Variants in KLRD1 observed in about 807,000 individuals in gnomAD.
KLRD1 encodes the protein natural killer cells antigen CD94.
A neutral mutation model predicts 22.6 loss-of-function variants in KLRD1; 21 were observed. The observed-to-expected ratio is 0.93, with a 90% CI of 0.66 to 1.34. The LOEUF (loss-of-function observed/expected upper bound fraction) is 1.34. Ranked by LOEUF, KLRD1 falls within the 40% of genes most tolerant of loss-of-function variation. The probability of loss-of-function intolerance (pLI) is 0.00; values close to 1 mark genes in which losing one functional copy is unlikely to be tolerated. For missense variants in KLRD1, 183 were observed against 208.6 expected, an observed-to-expected ratio of 0.88 and a Z score of 0.76; for synonymous variants, 59 against 71.1, an observed-to-expected ratio of 0.83 and a Z score of 0.85.
At chr12:10,257,482 CTTTTT>C (rs56871156) in intron 1 of KLRD1, among the ~76,000 whole-genome samples, 8,205 of 97,728 alleles carry the variant, frequency 0.084, 212 homozygotes, top group East Asian at 0.15. Context: ...GTAGCTGATT[CTTTTT>C]TTTTTTTTTT....
At chr12:10,294,855 A>G (rs1949808098) in intron 1 of KLRD1, among the ~76,000 whole-genome samples, 1 of 152,224 alleles carries the variant, frequency 6.6e-6, no homozygotes, top group South Asian at 2.1e-4. Context: ...GAAGCTTGAC[A>G]CAAAACAATT....
At chr12:10,266,642 T>G (rs1361691281) in intron 1 of KLRD1, among the ~76,000 whole-genome samples, 1 of 151,920 alleles carries the variant, frequency 6.6e-6, no homozygotes, top group Admixed American at 6.6e-5. Context: ...TTATTAGATA[T>G]CTGTCATTTT....
At chr12:10,270,269 T>G (rs866578107) in intron 1 of KLRD1, among the ~76,000 whole-genome samples, 3 of 152,298 alleles carry the variant, frequency 2.0e-5, no homozygotes, top group South Asian at 2.1e-4. Context: ...AAAAATATCT[T>G]GATGAAAACC....
At chr12:10,269,490 T>C (rs1949530173) in intron 1 of KLRD1, among the ~76,000 whole-genome samples, 1 of 152,242 alleles carries the variant, frequency 6.6e-6, no homozygotes, top group Non-Finnish European at 1.5e-5. Context: ...AGGTATCTAT[T>C]TGGAGGCACG....
chr12:10,254,431 C>CAA (rs71300165), intron 1 of KLRD1, among the ~76,000 whole-genome samples: 5,410 of 86,122 alleles, frequency 0.063, 349 homozygotes, highest in South Asian at 0.15. Context: ...CACTCCGTCT[C>CAA]AAAAAAAAAA....
chr12:10,282,091 T>C (rs1402201243), intron 1 of KLRD1, among the ~76,000 whole-genome samples: 2 of 152,210 alleles, frequency 1.3e-5, no homozygotes, highest in African/African-American at 4.8e-5. Flanking sequence ...AATAAAGTAC[T>C]CTGATCGTTA....
intron 3 of KLRD1, 98 bp from the exon 4 acceptor site, chr12:10,311,366 A>G (rs536334263): frequency 1.8e-5 from 22 of 1,193,078 alleles, no homozygotes; most frequent in Non-Finnish European, 2.6e-5. Flanking sequence ...TCTGAATGTT[A>G]AAAGAATACA....
rs1458325395 is a variant in KLRD1 at position 10,320,561 on chromosome 12, A to G, written c.*5768A>G. 1.3e-5 allele frequency: 2 copies of G among 152,214 alleles called. No individual in the cohort carries two copies. Among genetic ancestry groups the G allele is most frequent in the African/African-American group, 4.8e-5 (2 of 41,462 alleles). 9.4% of individuals were successfully genotyped at this position (152,214 alleles called of 1,614,324 possible). On this transcript the variant is annotated 3_prime_UTR_variant, in exon 6 of 6. Coordinates refer to ENST00000336164, the MANE Select transcript of KLRD1 (RefSeq NM_002262.5). ...ATTTCTTCCTACTACTTATATTACA[A>G]TGCTATAGAACACACATAAGCTAAT... is the stretch of plus-strand genomic sequence containing the variant.
At chr12:10,307,809 G>A, upstream of KLRD1, 4 of 388,902 alleles carry the variant, frequency 1.0e-5, no homozygotes. Context: ...AAAGTACTGT[G>A]AGAATTTCCT....
Position 10,243,631 on chromosome 12 carries a change from A to AAAAAAAAAAAAAAAAAAAAAAAAAAAAG in KLRD1, c.-101+17400_-101+17401insAAAAAAAAAAAAAAAAAAAAAAAAAGAA, listed in dbSNP as rs771543645. Among the ~76,000 whole-genome samples the AAAAAAAAAAAAAAAAAAAAAAAAAAAAG allele has an allele frequency of 4.8e-4, 57 of 118,778 alleles. 5 individuals are homozygous for AAAAAAAAAAAAAAAAAAAAAAAAAAAAG. Among genetic ancestry groups the AAAAAAAAAAAAAAAAAAAAAAAAAAAAG allele is most frequent in the East Asian group, 2.0e-3 (6 of 3,026 alleles). 77.9% of individuals were successfully genotyped at this position (118,778 alleles called of 152,430 possible). A position where few individuals can be genotyped will look rare whatever the true frequency, so the allele number is the denominator to read the frequency against. On this transcript the variant is annotated intron_variant, in intron 1 of 5. Coordinates refer to the KLRD1 transcript ENST00000544747. ...CCAAAAAAAAAAAAAAAAAAAAAAA[A>AAAAAAAAAAAAAAAAAAAAAAAAAAAAG]AACCGAAATGAAAGATATGGAACAA...
chr12:10,322,028 C>T lies in KLRD1; in HGVS notation c.*7235C>T, dbSNP rs1267963929. The T allele has an allele frequency of 6.6e-6, 1 of 152,194 alleles. No individual in the cohort carries two copies. The highest frequency in any genetic ancestry group is 2.4e-5 in the African/African-American group (1 of 41,444). 9.4% of individuals were successfully genotyped at this position (152,194 alleles called of 1,614,324 possible). On this transcript the variant is annotated 3_prime_UTR_variant, in exon 6 of 6. Transcript: ENST00000336164. ...TAGCTGATACAATATGCTTCATCAT[C>T]ATGACCTCATGAATAGAGAACATTT...
Position 10,309,467 on chromosome 12 carries a change from T to A in KLRD1, c.87T>A (p.Ile29=). The A allele has an allele frequency of 6.6e-7, 1 of 1,512,820 alleles. No individual in the cohort carries two copies. The highest frequency in any genetic ancestry group is 9.2e-7 in the Non-Finnish European group (1 of 1,087,582). 93.7% of individuals were successfully genotyped at this position (1,512,820 alleles called of 1,614,324 possible). A position where few individuals can be genotyped will look rare whatever the true frequency, so the allele number is the denominator to read the frequency against. ...TTTCGTTGATGTCTACGTTGGGAAT[T>A]TTGTTGAAAAATTGTAAGTTTTTCT... ...ICLSLMSTLG[I]LLKNSFTKLS... Residue 29 remains isoleucine, a synonymous_variant, in exon 2 of 6, where the codon ATT becomes ATA. Transcript: ENST00000336164.
At chr12:10,305,909 T>C (rs1949915892), upstream of KLRD1, among the ~76,000 whole-genome samples, 1 of 151,950 alleles carries the variant, frequency 6.6e-6, no homozygotes, top group East Asian at 1.9e-4. Context: ...ACGCCTGTAA[T>C]CCCAGCACTT....
At chr12:10,266,491 T>C in intron 1 of KLRD1, among the ~76,000 whole-genome samples, 2 of 152,240 alleles carry the variant, frequency 1.3e-5, no homozygotes, top group African/African-American at 4.8e-5. Flanking sequence ...GTTATACTTT[T>C]GATAATATTA....
At chr12:10,296,288 G>A (rs893033733) in intron 1 of KLRD1, among the ~76,000 whole-genome samples, 1 of 151,988 alleles carries the variant, frequency 6.6e-6, no homozygotes, top group Non-Finnish European at 1.5e-5. Context: ...AGGCCGAGGC[G>A]GGTGGATCAC....
chr12:10,257,729 A>G (rs1207150515), intron 1 of KLRD1, among the ~76,000 whole-genome samples: 1 of 151,870 alleles, frequency 6.6e-6, no homozygotes, highest in African/African-American at 2.4e-5. Context: ...TCCCTCATGA[A>G]CAGTCTCTAA....
chr12:10,281,947 A>G (rs1183644711), intron 1 of KLRD1, among the ~76,000 whole-genome samples: 3 of 152,228 alleles, frequency 2.0e-5, no homozygotes, highest in African/African-American at 7.2e-5. Flanking sequence ...TTACATAAAT[A>G]GAATTCTGTA....
intron 1 of KLRD1, among the ~76,000 whole-genome samples, chr12:10,293,223 A>G (rs913656642): frequency 4.2e-5 from 4 of 95,604 alleles, no homozygotes; most frequent in Non-Finnish European, 8.8e-5. Context: ...ATTTTCTTCA[A>G]GTACTCTTTC....
At chr12:10,269,822 G>A (rs1949532758) in intron 1 of KLRD1, among the ~76,000 whole-genome samples, 1 of 151,818 alleles carries the variant, frequency 6.6e-6, no homozygotes, top group South Asian at 2.1e-4. Context: ...CGGAGTATTT[G>A]ATAAATTTAT....
Sources: allele counts gnomAD v4.1 joint callset (sites outside exome capture counted in the v4.1 genomes callset), GRCh38; gene constraint gnomAD v4.1.1; transcripts MANE v1.5; gene names NCBI Gene and HGNC (gene_info 2026-07-23, HGNC 2026-07-21).